LAMA4: variants seen among roughly 807,000 people sequenced by gnomAD.
LAMA4 encodes laminin subunit alpha-4.
A neutral mutation model predicts 207.1 loss-of-function variants in LAMA4; 127 were observed. The observed-to-expected ratio is 0.61, with a 90% confidence interval of 0.53 to 0.71. LAMA4 has a LOEUF of 0.71. LAMA4 is among the 30% of genes least tolerant of loss of function. The probability of loss-of-function intolerance (pLI) is 0.00; values close to 1 mark genes in which losing one functional copy is unlikely to be tolerated. For synonymous variants in LAMA4, 761 were observed against 816.0 expected (o/e 0.93, Z 1.15); for missense variants, 2,093 against 2,246.5 (o/e 0.93, Z 1.38).
At chr6:112,171,256 T>G (rs1034357960) in intron 12 of LAMA4, among the ~76,000 whole-genome samples, 11 of 151,990 alleles carry the variant, frequency 7.2e-5, no homozygotes, top group African/African-American at 2.4e-4. Flanking sequence ...CCCATGAAAC[T>G]TATTTTCTAA....
chr6:112,193,590 G>C (rs1554349722), intron 5 of LAMA4, among the ~76,000 whole-genome samples: 1 of 152,066 alleles, frequency 6.6e-6, no homozygotes, highest in Non-Finnish European at 1.5e-5. Context: ...TGTAGTGATA[G>C]GATATGGTCA....
intron 3 of LAMA4, among the ~76,000 whole-genome samples, chr6:112,207,682 T>C (rs1784141219): frequency 6.6e-6 from 1 of 152,174 alleles, no homozygotes. Flanking sequence ...GGTTGGTATC[T>C]TGGATAGTGA....
intron 5 of LAMA4, among the ~76,000 whole-genome samples, chr6:112,199,067 G>A (rs1362275093): frequency 6.6e-6 from 1 of 152,114 alleles, no homozygotes; most frequent in Non-Finnish European, 1.5e-5. Context: ...CAGTGCTCTT[G>A]TCTGGAGCCT....
At chr6:112,154,595 T>G (rs1307646276) in intron 16 of LAMA4, among the ~76,000 whole-genome samples, 1 of 152,194 alleles carries the variant, frequency 6.6e-6, no homozygotes, top group African/African-American at 2.4e-5. Context: ...CCTATTTGAT[T>G]AGCAGGAATA....
chr6:112,140,557 A>C (rs1223805842), intron 22 of LAMA4, among the ~76,000 whole-genome samples: 1 of 152,220 alleles, frequency 6.6e-6, no homozygotes, highest in Non-Finnish European at 1.5e-5. Flanking sequence ...CTATAACTTG[A>C]AAGCATTTGA....
chr6:112,119,254 G>A lies in LAMA4; in HGVS notation c.4723C>T (p.Leu1575=). The stretch of plus-strand genomic sequence containing the variant: ...TCAGTAGGAGGAAGACTTTCTTCTA[G>A]GACTCGGAGACCATCAATTACCAGT... The part of the protein sequence containing the change: ...GRLVIDGLRV[L]EESLPPTEAT... The change falls in exon 34 of 39, where the codon CTA becomes TTA. Residue 1575 remains leucine (L), a synonymous_variant. Transcript: ENST00000230538. 1 of 1,613,924 alleles carries A rather than the reference G, an allele frequency of 6.2e-7. No individual in the cohort carries two copies. Among genetic ancestry groups the A allele is most frequent in the Non-Finnish European group, 8.5e-7 (1 of 1,179,868 alleles).
rs782275190 is a variant in LAMA4, at chr6:112,150,655, T to C, written c.2057-28A>G. 37 of 1,515,696 alleles carry C rather than the reference T, an allele frequency of 2.4e-5. No homozygotes were observed. The South Asian group carries it at 3.6e-4, about 15-fold the overall frequency. The allele number at this position is 1,515,696 out of a possible 1,614,324, so 93.9% of individuals were successfully genotyped here. A position where few individuals can be genotyped will look rare whatever the true frequency, so the allele number is the denominator to read the frequency against. On this transcript the variant is annotated intron_variant, in intron 16 of 38. Transcript: ENST00000230538. ...GTGGAAGAGCAGCAGAAAGAAGTAC[T>C]AGTGGAGCCAAGATGCCTCGAAAAG...
At chr6:112,147,505 T>C (rs1258556093) in intron 18 of LAMA4, among the ~76,000 whole-genome samples, 2 of 152,162 alleles carry the variant, frequency 1.3e-5, no homozygotes, top group African/African-American at 4.8e-5. Context: ...TTGACAGACA[T>C]TGCTGTTTAA....
At chr6:112,199,991 C>G (rs1360917498) in intron 5 of LAMA4, 1 of 449,470 alleles carries the variant, frequency 2.2e-6, no homozygotes, top group Non-Finnish European at 4.5e-6. Flanking sequence ...GTTTAGCTGC[C>G]TAAACACAAT....
At chr6:112,180,142 T>C (rs1487831032) in intron 9 of LAMA4, among the ~76,000 whole-genome samples, 1 of 152,230 alleles carries the variant, frequency 6.6e-6, no homozygotes, top group Non-Finnish European at 1.5e-5. Flanking sequence ...GTTTTTACTT[T>C]GGCTTGATAC....
At chr6:112,176,890 A>G (rs1782054940) in intron 10 of LAMA4, among the ~76,000 whole-genome samples, 1 of 152,184 alleles carries the variant, frequency 6.6e-6, no homozygotes, top group African/African-American at 2.4e-5. Context: ...ATCTTTTCCC[A>G]TGCTTAAAGG....
intron 29 of LAMA4, among the ~76,000 whole-genome samples, chr6:112,130,561 T>C (rs1554329402): frequency 6.6e-6 from 1 of 152,082 alleles, no homozygotes; most frequent in Admixed American, 6.6e-5. Context: ...TATTATCTAT[T>C]TTAAAGATGA....
chr6:112,241,290 T>C (rs1786496800), intron 2 of LAMA4, among the ~76,000 whole-genome samples: 1 of 150,286 alleles, frequency 6.7e-6, no homozygotes, highest in Non-Finnish European at 1.5e-5. Context: ...TCCTCCTATG[T>C]TTAAGGGAAG....
At chr6:112,181,683 C>T (rs1009937652) in intron 9 of LAMA4, among the ~76,000 whole-genome samples, 2 of 152,138 alleles carry the variant, frequency 1.3e-5, no homozygotes, top group African/African-American at 4.8e-5. Context: ...TTAGCCTGTA[C>T]CATGTTTCTC....
chr6:112,170,063 A>G (rs1781622261), intron 12 of LAMA4, among the ~76,000 whole-genome samples: 1 of 152,246 alleles, frequency 6.6e-6, no homozygotes, highest in Non-Finnish European at 1.5e-5. Flanking sequence ...CTAAAAATAA[A>G]TCAGAAGAGA....
intron 2 of LAMA4, among the ~76,000 whole-genome samples, chr6:112,240,737 T>C (rs35006512): frequency 0.13 from 19,677 of 152,214 alleles, 1,631 homozygotes; most frequent in Middle Eastern, 0.22. Flanking sequence ...TTTTTTATGG[T>C]TAAATAGTAC....
At chr6:112,222,557 C>T (rs754383739) in intron 2 of LAMA4, among the ~76,000 whole-genome samples, 1 of 152,132 alleles carries the variant, frequency 6.6e-6, no homozygotes, top group Non-Finnish European at 1.5e-5. Context: ...AGCACAGAGC[C>T]ATCCTAACCA....
rs1341394050 is a variant in LAMA4 at position 112,189,295 on chromosome 6, T to C, written c.719-90A>G. On this transcript the variant is annotated intron_variant, in intron 6 of 38. Transcript: ENST00000230538. ...TCCTGGTTTCTAGAAACACTAGCTATCAGTGTATAATTCATCAATGGGAAT... is the reference window on the plus strand; with the variant it reads ...TCCTGGTTTCTAGAAACACTAGCTACCAGTGTATAATTCATCAATGGGAAT... The C allele has an allele frequency of 3.6e-6, 3 of 835,406 alleles. No homozygotes were observed. The African/African-American group carries it at 5.0e-5, about 14-fold the overall frequency. The allele number at this position is 835,406 out of a possible 1,614,324, so 51.7% of individuals were successfully genotyped here.
At chr6:112,210,398 A>G (rs1381703123) in intron 3 of LAMA4, among the ~76,000 whole-genome samples, 1 of 152,184 alleles carries the variant, frequency 6.6e-6, no homozygotes, top group Non-Finnish European at 1.5e-5. Context: ...AGCATTCTGA[A>G]CTTTTAGCCA....
Sources: allele counts gnomAD v4.1 joint callset (sites outside exome capture counted in the v4.1 genomes callset), GRCh38; gene constraint gnomAD v4.1.1; transcripts MANE v1.5; gene names NCBI Gene and HGNC (gene_info 2026-07-23, HGNC 2026-07-21).